Variants in TTC39C observed in about 807,000 individuals in gnomAD.
TTC39C encodes the protein tetratricopeptide repeat domain 39C, also known as tetratricopeptide repeat protein 39C.
A neutral mutation model predicts 76.3 loss-of-function variants in TTC39C; 33 were observed. The ratio of observed to expected loss-of-function variants is 0.43; its 90% CI spans 0.33 to 0.58. The LOEUF is 0.58. Ranked by LOEUF, TTC39C falls within the 20% of genes least tolerant of loss-of-function variation. TTC39C has a pLI of 0.04. For synonymous variants in TTC39C, 254 were observed against 260.6 expected, an observed-to-expected ratio of 0.97 and a Z score of 0.24; for missense variants, 595 against 701.4, an observed-to-expected ratio of 0.85 and a Z score of 1.71.
At position 24,022,869 on chromosome 18, in the gene TTC39C, A is replaced by C. The variant is rs533685129; in HGVS notation, c.167+7831A>C. 2.2e-4 allele frequency: 218 copies of C among 985,414 alleles called. 6 individuals carry two copies. The South Asian group carries it at 8.6e-3, about 39-fold the overall frequency. 61.0% of individuals were successfully genotyped at this position (985,414 alleles called of 1,614,324 possible). ...CCAGGTATATCTTGCTCTTCCAGAC[A>C]CGGCTCAGATTTTTAGCAAAAGGTT... On this transcript the variant is annotated intron_variant, in intron 1 of 13. Coordinates refer to ENST00000317571, the MANE Select transcript of TTC39C (RefSeq NM_001135993.2).
intron 1 of TTC39C, chr18:24,020,264 TAATTA>T (rs1391340287): frequency 9.9e-7 from 1 of 1,012,814 alleles, no homozygotes; most frequent in East Asian, 9.4e-5. Flanking sequence ...GAAAAGGTCC[TAATTA>T]AATATTCATT....
intron 1 of TTC39C, among the ~76,000 whole-genome samples, chr18:23,997,130 G>C (rs536831021): frequency 1.3e-4 from 19 of 151,418 alleles, no homozygotes; most frequent in African/African-American, 4.6e-4. Context: ...AAAGAAATTG[G>C]TTTAGGCAGG....
intron 9 of TTC39C, 86 bp from the exon 10 acceptor site, chr18:24,125,341 C>T: frequency 1.3e-6 from 2 of 1,517,340 alleles, no homozygotes; most frequent in Non-Finnish European, 1.8e-6. Flanking sequence ...TGATGATGAA[C>T]TGTGTGCTTT....
At chr18:24,017,303 C>A (rs906900583) in intron 1 of TTC39C, among the ~76,000 whole-genome samples, 19 of 152,216 alleles carry the variant, frequency 1.2e-4, no homozygotes, top group African/African-American at 4.6e-4. Context: ...CAGAGTCCTG[C>A]AACCTGGGTT....
At chr18:24,095,678 G>A (rs568506968) in intron 6 of TTC39C, among the ~76,000 whole-genome samples, 3 of 152,248 alleles carry the variant, frequency 2.0e-5, no homozygotes, top group South Asian at 4.1e-4. Context: ...CAGCCTGGGC[G>A]ACAAGAGTGA....
intron 4 of TTC39C, among the ~76,000 whole-genome samples, chr18:24,074,258 G>A (rs540365799): frequency 4.9e-4 from 74 of 152,192 alleles, no homozygotes; most frequent in Non-Finnish European, 8.1e-4. Context: ...ATGAAGGTCC[G>A]TTTCCTTCTC....
At chr18:24,014,663 C>G (rs2083425535), upstream of TTC39C, 2 of 709,410 alleles carry the variant, frequency 2.8e-6, no homozygotes, top group African/African-American at 1.9e-5. Flanking sequence ...GGCGGCCGGA[C>G]GCCCACCTCC....
rs564360508 is a variant in TTC39C, at chr18:24,032,786, T to TATTTTAAA, written c.167+17750_167+17751insTTTAAAAT. ...CCTGTATTTTAAAATGATTTTGTTGTATGATTTCTAGGTTGTGGCTGTACA... is the reference window on the plus strand; with the variant it reads ...CCTGTATTTTAAAATGATTTTGTTGTATTTTAAAATGATTTCTAGGTTGTGGCTGTACA... On this transcript the variant is annotated intron_variant, in intron 1 of 13. Coordinates refer to ENST00000317571, the MANE Select transcript of TTC39C (RefSeq NM_001135993.2). Among the ~76,000 whole-genome samples the TATTTTAAA allele has an allele frequency of 7.1e-3, 1,083 of 152,358 alleles. 5 individuals are homozygous for TATTTTAAA. The highest frequency in any genetic ancestry group is 0.02 in the South Asian group (97 of 4,832).
At position 24,068,387 on chromosome 18, in the gene TTC39C, C is replaced by G. The variant is rs7233663; in HGVS notation, c.346-770C>G. Reference sequence around the variant, plus strand: ...AGGGAAACACATCATTCTGGCTTGTCTACTGTGTATACTGTTGACATATTT... The same window carrying G: ...AGGGAAACACATCATTCTGGCTTGTGTACTGTGTATACTGTTGACATATTT... On this transcript the variant is annotated intron_variant, in intron 3 of 13. Transcript: ENST00000317571. Among the ~76,000 whole-genome samples, 701 of 152,264 alleles carry G rather than the reference C, an allele frequency of 4.6e-3. 4 individuals carry two copies. The highest frequency in any genetic ancestry group is 0.016 in the African/African-American group (656 of 41,548).
intron 9 of TTC39C, among the ~76,000 whole-genome samples, 157 bp from the exon 10 acceptor site, chr18:24,125,270 A>G (rs979345054): frequency 3.9e-5 from 6 of 152,262 alleles, no homozygotes; most frequent in African/African-American, 1.4e-4. Context: ...AATTGAAAGC[A>G]ACATTTTTTA....
intron 1 of TTC39C, among the ~76,000 whole-genome samples, chr18:24,046,164 T>A (rs1283076263): frequency 6.6e-6 from 1 of 151,900 alleles, no homozygotes; most frequent in East Asian, 1.9e-4. Flanking sequence ...GGTCTTGATC[T>A]CCTGACCTCG....
intron 1 of TTC39C, among the ~76,000 whole-genome samples, chr18:24,061,786 C>T (rs1192899392): frequency 6.6e-6 from 1 of 152,084 alleles, no homozygotes; most frequent in Non-Finnish European, 1.5e-5. Context: ...TGCCTGTAAT[C>T]CCAGCTACTC....
intron 1 of TTC39C, among the ~76,000 whole-genome samples, chr18:24,001,982 C>A (rs992599569): frequency 6.6e-6 from 1 of 152,022 alleles, no homozygotes; most frequent in Non-Finnish European, 1.5e-5. Context: ...CCCGCCACCA[C>A]GCCCGGCTAA....
rs200308672 is a variant in TTC39C at position 24,017,019 on chromosome 18, CTT to C, written c.167+1984_167+1985del. Among the ~76,000 whole-genome samples, 819 of 152,296 alleles carry C rather than the reference CTT, an allele frequency of 5.4e-3. 8 individuals carry two copies. The highest frequency in any genetic ancestry group is 0.018 in the African/African-American group (765 of 41,554). ...ACACTATAGTTCTAAATCAAGGACT[CTT>C]TTCATTTTACCATTCTGCTTCCCTC... On this transcript the variant is annotated intron_variant, in intron 1 of 13. Coordinates refer to ENST00000317571, the MANE Select transcript of TTC39C (RefSeq NM_001135993.2).
intron 10 of TTC39C, among the ~76,000 whole-genome samples, chr18:24,128,499 A>G (rs1236914211): frequency 6.6e-6 from 1 of 151,892 alleles, no homozygotes; most frequent in African/African-American, 2.4e-5. Context: ...GTCTTTGGAA[A>G]TAATGGTGTT....
At chr18:24,088,380 T>G (rs1257444801) in intron 6 of TTC39C, among the ~76,000 whole-genome samples, 1 of 152,260 alleles carries the variant, frequency 6.6e-6, no homozygotes, top group East Asian at 1.9e-4. Context: ...TAGGTAAAAA[T>G]CATGTTGGTG....
At chr18:24,038,018 C>T (rs746884722) in intron 1 of TTC39C, among the ~76,000 whole-genome samples, 1 of 152,220 alleles carries the variant, frequency 6.6e-6, no homozygotes, top group Non-Finnish European at 1.5e-5. Flanking sequence ...CTATGCTACG[C>T]ATCCTTATGC....
At chr18:24,029,713 C>T (rs2083644881) in intron 1 of TTC39C, among the ~76,000 whole-genome samples, 1 of 151,916 alleles carries the variant, frequency 6.6e-6, no homozygotes, top group Non-Finnish European at 1.5e-5. Flanking sequence ...CCTTTGTGTC[C>T]TCATAGCTTA....
intron 1 of TTC39C, among the ~76,000 whole-genome samples, chr18:24,049,886 C>CT (rs1466049411): frequency 6.6e-6 from 1 of 152,196 alleles, no homozygotes; most frequent in Non-Finnish European, 1.5e-5. Context: ...TATGTTGCTA[C>CT]TTTCTCTCTT....
Sources: gnomAD v4.1 joint callset for allele counts (sites outside exome capture counted in the v4.1 genomes callset) on GRCh38, gnomAD v4.1.1 for gene constraint, MANE v1.5 for transcripts, NCBI Gene and HGNC (gene_info 2026-07-23, HGNC 2026-07-21) for gene names.